Variants in LINGO1 observed in about 807,000 individuals in gnomAD.
LINGO1 encodes leucine-rich repeat and immunoglobulin-like domain-containing nogo receptor-interacting protein 1.
In LINGO1, 11 loss-of-function variants were observed where a neutral mutation model predicts 37.3. The observed-to-expected ratio is 0.29, with a 90% CI of 0.19 to 0.49. LINGO1 has a LOEUF of 0.49. Among genes scored for constraint, LINGO1 ranks in the 20% least tolerant of loss-of-function variants. The pLI is 0.99. For synonymous variants in LINGO1, 387 were observed against 403.0 expected (o/e 0.96, Z 0.48); for missense variants, 585 against 878.2 (o/e 0.67, Z 4.22).
intron 1 of LINGO1, among the ~76,000 whole-genome samples, chr15:77,772,905 G>A (rs910598606): frequency 9.9e-5 from 15 of 152,120 alleles, no homozygotes; most frequent in Admixed American, 2.0e-4. Context: ...AACCAGCTTC[G>A]GCTCTGGGGA....
chr15:77,664,170 T>TGTGTGTGTGTGCGCGCGC lies in LINGO1; in HGVS notation c.-13+12918_-13+12919insGCGCGCGCACACACACAC. ...GTGTGTGTGTGTGTGTGTGTGTGTG[T>TGTGTGTGTGTGCGCGCGC]GCGCGCGCGCATGCGTTTGCATTCT... On this transcript the variant is annotated intron_variant, in intron 3 of 3. Coordinates refer to the LINGO1 transcript ENST00000559893. 2.0e-4 allele frequency among the ~76,000 whole-genome samples: 26 copies of TGTGTGTGTGTGCGCGCGC among 131,004 alleles called. 1 individual carries two copies. The highest frequency in any genetic ancestry group is 9.2e-4 in the African/African-American group (25 of 27,288). The allele number at this position is 131,004 out of a possible 152,430, so 85.9% of individuals were successfully genotyped here.
chr15:77,637,763 C>T (rs964538052), upstream of LINGO1, among the ~76,000 whole-genome samples: 5 of 152,208 alleles, frequency 3.3e-5, no homozygotes, highest in African/African-American at 9.7e-5. The surrounding 1 kb of genome is among the most constrained non-coding windows in gnomAD (Gnocchi z 4.6). Context: ...CATTCTCTGT[C>T]GCCTGAGAAT....
intron 3 of LINGO1, among the ~76,000 whole-genome samples, chr15:77,676,250 C>T (rs1312468508): frequency 1.3e-5 from 2 of 152,210 alleles, no homozygotes; most frequent in African/African-American, 2.4e-5. Flanking sequence ...TGATCTGAGG[C>T]CAGGGTGAGC....
intron 3 of LINGO1, among the ~76,000 whole-genome samples, chr15:77,640,606 C>G (rs956903081): frequency 2.0e-5 from 3 of 152,156 alleles, no homozygotes; most frequent in Non-Finnish European, 4.4e-5. Flanking sequence ...AGGATGTACC[C>G]TCCCTCCATT....
intron 3 of LINGO1, among the ~76,000 whole-genome samples, chr15:77,653,780 T>A (rs2074812476): frequency 6.6e-6 from 1 of 151,768 alleles, no homozygotes; most frequent in African/African-American, 2.4e-5. Flanking sequence ...AAGAGATGGC[T>A]CGGAAAGGAA....
intron 2 of LINGO1, among the ~76,000 whole-genome samples, chr15:77,680,120 T>C (rs2075389691): frequency 1.3e-5 from 2 of 152,202 alleles, no homozygotes; most frequent in Admixed American, 1.3e-4. Flanking sequence ...GACCTCATCA[T>C]TGTCTCTTCT....
chr15:77,672,911 A>C (rs1392636648), intron 3 of LINGO1, among the ~76,000 whole-genome samples: 2 of 152,026 alleles, frequency 1.3e-5, no homozygotes, highest in Non-Finnish European at 2.9e-5. Context: ...CAACTTCCTA[A>C]ATCTCTCCCC....
intron 1 of LINGO1, among the ~76,000 whole-genome samples, chr15:77,626,390 C>G (rs771560894): frequency 1.3e-5 from 2 of 152,220 alleles, no homozygotes; most frequent in Non-Finnish European, 2.9e-5. Flanking sequence ...ATAAATAAAA[C>G]ACTTGCCTCT....
chr15:77,665,238 A>G (rs1236813450), intron 3 of LINGO1, among the ~76,000 whole-genome samples: 3 of 152,098 alleles, frequency 2.0e-5, no homozygotes, highest in Non-Finnish European at 2.9e-5. Context: ...CCCTTGCCCA[A>G]CCCTCAGCCT....
At chr15:77,748,198 C>T (rs201650339) in intron 1 of LINGO1, among the ~76,000 whole-genome samples, 1 of 152,260 alleles carries the variant, frequency 6.6e-6, no homozygotes, top group Non-Finnish European at 1.5e-5. Context: ...CTCAGCACCA[C>T]ACTCTCTGAG....
chr15:77,779,681 A>G (rs1263088020), intron 1 of LINGO1, among the ~76,000 whole-genome samples: 1 of 152,192 alleles, frequency 6.6e-6, no homozygotes, highest in East Asian at 1.9e-4. Flanking sequence ...TATGGGGAGT[A>G]GCTGTAAGGA....
chr15:77,645,315 C>T (rs748405212), intron 3 of LINGO1, among the ~76,000 whole-genome samples: 3 of 152,182 alleles, frequency 2.0e-5, no homozygotes, highest in Non-Finnish European at 4.4e-5. Flanking sequence ...GACAGCAGGC[C>T]CCAGGGCCCA....
chr15:77,794,456 GTGTATATACATACGTATA>G (rs1438279643), intron 2 of LINGO1, among the ~76,000 whole-genome samples: 17 of 65,398 alleles, frequency 2.6e-4, no homozygotes, highest in Non-Finnish European at 3.3e-4. Flanking sequence ...ACGTATATAT[GTGTATATACATACGTATA>G]TGTATATACA....
At chr15:77,655,012 C>G (rs781356756) in intron 3 of LINGO1, among the ~76,000 whole-genome samples, 2 of 152,170 alleles carry the variant, frequency 1.3e-5, no homozygotes, top group Non-Finnish European at 2.9e-5. Flanking sequence ...GGAGGCTTGC[C>G]CGTTCATCTC....
At chr15:77,625,682 C>T (rs1352646520) in intron 1 of LINGO1, among the ~76,000 whole-genome samples, 2 of 152,128 alleles carry the variant, frequency 1.3e-5, no homozygotes, top group Non-Finnish European at 2.9e-5. Flanking sequence ...CCTAAAGTCC[C>T]GCAGTGATGA....
At chr15:77,736,820 G>A (rs2076208586) in intron 1 of LINGO1, among the ~76,000 whole-genome samples, 2 of 152,074 alleles carry the variant, frequency 1.3e-5, no homozygotes, top group Non-Finnish European at 1.5e-5. Context: ...GAAAAGAAAC[G>A]AAAACTGAGG....
At chr15:77,639,573 T>G (rs997572825) in intron 3 of LINGO1, among the ~76,000 whole-genome samples, 1 of 151,978 alleles carries the variant, frequency 6.6e-6, no homozygotes, top group Non-Finnish European at 1.5e-5. Flanking sequence ...ATGGCCTAAG[T>G]GCCCATCATT....
At chr15:77,678,758 C>T (rs1348943134) in intron 2 of LINGO1, among the ~76,000 whole-genome samples, 1 of 152,232 alleles carries the variant, frequency 6.6e-6, no homozygotes, top group Non-Finnish European at 1.5e-5. Flanking sequence ...TCCAAGTTGG[C>T]TATACCATTT....
At chr15:77,709,106 T>G (rs145949124) in intron 2 of LINGO1, among the ~76,000 whole-genome samples, 24 of 152,340 alleles carry the variant, frequency 1.6e-4, no homozygotes, top group Non-Finnish European at 2.9e-4. Context: ...GATCTCAGAC[T>G]TCCAGTCTCC....
Sources: allele counts gnomAD v4.1 joint callset (sites outside exome capture counted in the v4.1 genomes callset), GRCh38; gene constraint gnomAD v4.1.1; non-coding constraint Gnocchi (gnomAD v3.1); transcripts MANE v1.5; gene names NCBI Gene and HGNC (gene_info 2026-07-23, HGNC 2026-07-21).